Variants in LRRC37A2 observed in about 807,000 individuals in gnomAD.
The protein encoded by LRRC37A2 is leucine rich repeat containing 37 member A2.
In LRRC37A2, 9 loss-of-function variants were observed where a neutral mutation model predicts 68.8. The observed-to-expected ratio is 0.13, with a 90% CI of 0.08 to 0.23. The LOEUF is 0.23. LRRC37A2 is among the 10% of genes least tolerant of loss of function. LRRC37A2 has a pLI of 1.00. For synonymous variants in LRRC37A2, 63 were observed against 367.6 expected (o/e 0.17, Z 9.48); for missense variants, 168 against 950.4 (o/e 0.18, Z 10.82).
At chr17:46,551,051 T>G (rs979469012) in intron 11 of LRRC37A2, among the ~76,000 whole-genome samples, 1 of 149,924 alleles carries the variant, frequency 6.7e-6, no homozygotes. Flanking sequence ...TTTACAAAAA[T>G]TTTTGGCCAC....
chr17:46,728,797 T>A, the LRRC37A2 span: 2 of 1,138,092 alleles, frequency 1.8e-6, no homozygotes, highest in Middle Eastern at 2.0e-4. Context: ...AAAAACTGAA[T>A]GTTTGGAATA....
the LRRC37A2 span, among the ~76,000 whole-genome samples, chr17:46,879,464 AATG>A: frequency 6.6e-6 from 1 of 152,204 alleles, no homozygotes; most frequent in South Asian, 2.1e-4. Flanking sequence ...TCTTACTCAT[AATG>A]ATAATGACAA....
chr17:46,879,649 C>A, the LRRC37A2 span, among the ~76,000 whole-genome samples: 2 of 151,934 alleles, frequency 1.3e-5, no homozygotes, highest in Admixed American at 6.5e-5. Flanking sequence ...CTCAAAGTCA[C>A]ACCTAAGAGA....
At chr17:46,973,894 G>A in the LRRC37A2 span, among the ~76,000 whole-genome samples, 2 of 152,084 alleles carry the variant, frequency 1.3e-5, no homozygotes, top group Admixed American at 6.6e-5. Flanking sequence ...CCGCCACCTC[G>A]CATGCTCCAT....
chr17:46,871,017 C>T, the LRRC37A2 span, among the ~76,000 whole-genome samples: 1 of 150,140 alleles, frequency 6.7e-6, no homozygotes, highest in East Asian at 2.1e-4. Flanking sequence ...CTCAAGCTAT[C>T]CTTCCACCTC....
the LRRC37A2 span, among the ~76,000 whole-genome samples, chr17:46,717,849 G>C: frequency 2.0e-5 from 3 of 152,212 alleles, no homozygotes; most frequent in African/African-American, 7.2e-5. Context: ...ACAAGGTCCT[G>C]GAGCATGATG....
At chr17:46,796,903 C>T in the LRRC37A2 span, among the ~76,000 whole-genome samples, 1 of 152,166 alleles carries the variant, frequency 6.6e-6, no homozygotes, top group South Asian at 2.1e-4. Context: ...GGGATGATTA[C>T]AACAGAAGTC....
the LRRC37A2 span, among the ~76,000 whole-genome samples, chr17:46,780,087 T>A: frequency 1.3e-5 from 2 of 152,188 alleles, no homozygotes; most frequent in South Asian, 4.1e-4. Flanking sequence ...ACATTTTTAA[T>A]CAGTGAATTC....
chr17:46,927,771 T>G, the LRRC37A2 span, among the ~76,000 whole-genome samples: 44 of 152,338 alleles, frequency 2.9e-4, no homozygotes, highest in Non-Finnish European at 3.2e-4. Context: ...TACTGCTTTG[T>G]AAGTCATAAT....
the LRRC37A2 span, among the ~76,000 whole-genome samples, chr17:46,687,409 A>AAAC: frequency 5.3e-5 from 8 of 151,146 alleles, no homozygotes; most frequent in East Asian, 1.4e-3. Flanking sequence ...AACAAACAAA[A>AAAC]AAAATTCCCT....
At chr17:46,727,293 G>A in the LRRC37A2 span, among the ~76,000 whole-genome samples, 1 of 152,288 alleles carries the variant, frequency 6.6e-6, no homozygotes, top group East Asian at 1.9e-4. Context: ...TAAACTGCAA[G>A]GAAGGGCCAG....
chr17:46,777,505 C>T, the LRRC37A2 span, among the ~76,000 whole-genome samples: 1 of 152,256 alleles, frequency 6.6e-6, no homozygotes, highest in Non-Finnish European at 1.5e-5. Flanking sequence ...GAGTGCTTCC[C>T]AGACATCTCC....
the LRRC37A2 span, among the ~76,000 whole-genome samples, chr17:46,980,359 T>TTTCTTTCTCTTC: frequency 5.3e-5 from 8 of 150,526 alleles, no homozygotes; most frequent in East Asian, 1.6e-3. Flanking sequence ...TTCCTTCTTC[T>TTTCTTTCTCTTC]TTCTTTCTCT....
the LRRC37A2 span, among the ~76,000 whole-genome samples, chr17:46,687,479 T>C: frequency 0.12 from 18,064 of 144,798 alleles, no homozygotes; most frequent in Middle Eastern, 0.19. Flanking sequence ...TTTTCTTCAC[T>C]GTCAGTCTTC....
At chr17:46,903,196 G>A in the LRRC37A2 span, among the ~76,000 whole-genome samples, 71 of 152,140 alleles carry the variant, frequency 4.7e-4, no homozygotes, top group African/African-American at 1.6e-3. Context: ...CAGGGGAATC[G>A]CTTGAACCCG....
At chr17:46,889,122 AC>A in the LRRC37A2 span, among the ~76,000 whole-genome samples, 1 of 152,020 alleles carries the variant, frequency 6.6e-6, no homozygotes, top group Non-Finnish European at 1.5e-5. Flanking sequence ...GTGCAACTCA[AC>A]CTTTATTCGT....
the LRRC37A2 span, among the ~76,000 whole-genome samples, chr17:46,919,562 A>T: frequency 6.6e-6 from 1 of 152,058 alleles, no homozygotes; most frequent in Non-Finnish European, 1.5e-5. Context: ...TATTTGAGAA[A>T]TTTTTTACAT....
chr17:46,904,955 C>T, the LRRC37A2 span, among the ~76,000 whole-genome samples: 1 of 152,194 alleles, frequency 6.6e-6, no homozygotes, highest in Non-Finnish European at 1.5e-5. Flanking sequence ...AGGAGTTGTC[C>T]ACCCCCACCG....
the LRRC37A2 span, among the ~76,000 whole-genome samples, chr17:46,738,656 G>C: frequency 6.6e-6 from 1 of 152,124 alleles, no homozygotes; most frequent in Non-Finnish European, 1.5e-5. Flanking sequence ...TCTTTTTTTA[G>C]TGGTTTTGCT....
Sources: gnomAD v4.1 joint callset for allele counts (sites outside exome capture counted in the v4.1 genomes callset) on GRCh38, gnomAD v4.1.1 for gene constraint, MANE v1.5 for transcripts, NCBI Gene and HGNC (gene_info 2026-07-23, HGNC 2026-07-21) for gene names.